Variants in LZTR1 observed in about 807,000 individuals in gnomAD.
LZTR1 encodes leucine-zipper-like transcriptional regulator 1.
Under a neutral mutation model 105.7 loss-of-function variants are expected in LZTR1, and 260 were observed. The observed-to-expected ratio is 2.46, with a 90% CI of 2.22 to 2.72. The LOEUF is 2.72. LZTR1 is among the 30% of genes most tolerant of loss of function. The pLI is 0.00. For missense variants in LZTR1, 1,214 were observed against 1,166.9 expected (o/e 1.04, Z -0.59); for synonymous variants, 490 against 476.4 (o/e 1.03, Z -0.37).
intron 18 of LZTR1, 34 bp from the exon 19 acceptor site, chr22:20,996,662 G>A: frequency 6.3e-7 from 1 of 1,593,362 alleles, no homozygotes; most frequent in Non-Finnish European, 8.6e-7. Flanking sequence ...GGGCGGACCA[G>A]CTTCCTTTAG....
In LZTR1 at chr22:20,994,213, C is replaced by T. The variant is rs1569157089; in HGVS notation, c.1559C>T (p.Pro520Leu). 1.2e-6 allele frequency: 2 copies of T among 1,601,818 alleles called. No homozygotes were observed. Among genetic ancestry groups the T allele is most frequent in the Non-Finnish European group, 1.7e-6 (2 of 1,179,336 alleles). Residue 520 changes from proline (P) to leucine (L), a missense_variant, in exon 14 of 21, where the codon CCC becomes CTC. Coordinates refer to ENST00000646124, the MANE Select transcript of LZTR1 (RefSeq NM_006767.4). Reference sequence around the variant, plus strand: ...GCCATCCGGGAGGCCGAGGCCCGGCCCTTCGAGGTGCTCATGCAGTTCCTC... The same window carrying T: ...GCCATCCGGGAGGCCGAGGCCCGGCTCTTCGAGGTGCTCATGCAGTTCCTC... ...HVAIREAEAR[P>L]FEVLMQFLYT...
rs1335357652 is a variant in LZTR1, at chr22:20,982,574, A to G, written c.200+3A>G. On this transcript the variant is annotated splice_donor_region_variant and intron_variant, in intron 1 of 20. Coordinates refer to ENST00000646124, the MANE Select transcript of LZTR1 (RefSeq NM_006767.4). ...TGCGACGAGTTCGTGGGTGCCCGGT[A>G]CGGTGGGCTTCATGGGGTCCTGAGG... The G allele has an allele frequency of 1.2e-6, 2 of 1,611,020 alleles. No individual in the cohort carries two copies. Among genetic ancestry groups the G allele is most frequent in the Non-Finnish European group, 8.5e-7 (1 of 1,178,940 alleles).
At position 20,999,007 on chromosome 22, in the gene LZTR1, A is replaced by C. The variant is rs568970384; in HGVS notation, c.*1659A>C. The C allele has an allele frequency of 6.6e-6, 1 of 152,394 alleles. No homozygotes were observed. Among genetic ancestry groups the C allele is most frequent in the East Asian group, 1.9e-4 (1 of 5,190 alleles). The allele number at this position is 152,394 out of a possible 1,614,324, so 9.4% of individuals were successfully genotyped here. A position where few individuals can be genotyped will look rare whatever the true frequency, so the allele number is the denominator to read the frequency against. Reference sequence around the variant, plus strand: ...TAGACTTATATGAATAAATGAAATTACATGCCAAGGGCCCTAAAAAGCAAA... The same window carrying C: ...TAGACTTATATGAATAAATGAAATTCCATGCCAAGGGCCCTAAAAAGCAAA... On this transcript the variant is annotated 3_prime_UTR_variant, in exon 21 of 21. Transcript: ENST00000646124.
intron 20 of LZTR1, 121 bp from the exon 21 acceptor site, chr22:20,997,111 C>A: frequency 9.0e-7 from 1 of 1,116,238 alleles, no homozygotes; most frequent in Non-Finnish European, 1.4e-6. Context: ...CTGGCCGCAC[C>A]TTGCTTCATC....
At chr22:20,993,465 G>A in intron 11 of LZTR1, 197 bp from the exon 12 acceptor site, 1 of 597,792 alleles carries the variant, frequency 1.7e-6, no homozygotes, top group Non-Finnish European at 3.0e-6. Flanking sequence ...GTGGACAGTT[G>A]CAGGTGCTGA....
In LZTR1 at chr22:20,997,296, T is replaced by A; in HGVS notation, c.2471T>A (p.Leu824Gln). Residue 824 changes from leucine to glutamine, a missense_variant, in exon 21 of 21, where the codon CTG (leucine) becomes CAG (glutamine). Coordinates refer to ENST00000646124, the MANE Select transcript of LZTR1 (RefSeq NM_006767.4). ...QQLLLDIIDS[L>Q]ASHISDKQCA... ...CTGCTGCTGGACATCATAGACTCCC[T>A]GGCCTCCCACATCTCAGACAAGCAG... The A allele has an allele frequency of 1.2e-6, 2 of 1,613,820 alleles. No individual in the cohort carries two copies. Among genetic ancestry groups the A allele is most frequent in the Non-Finnish European group, 1.7e-6 (2 of 1,180,002 alleles).
At position 20,997,281 on chromosome 22, in the gene LZTR1, A is replaced by AC. The variant is rs1569158652; in HGVS notation, c.2457dup (p.Ile820HisfsTer31). 1 of 1,613,814 alleles carries AC rather than the reference A, an allele frequency of 6.2e-7. No homozygotes were observed. Among genetic ancestry groups the AC allele is most frequent in the East Asian group, 2.2e-5 (1 of 44,864 alleles). Reference sequence around the variant, plus strand: ...TCGCTGAGCCAGCAGCTGCTGCTGGACATCATAGACTCCCTGGCCTCCCAC... The same window carrying AC: ...TCGCTGAGCCAGCAGCTGCTGCTGGACCATCATAGACTCCCTGGCCTCCCAC... On this transcript the variant is annotated frameshift_variant, in exon 21 of 21. Transcript: ENST00000646124. LOFTEE classifies it high-confidence loss of function.
At chr22:20,989,775 CAG>C (rs1351533875) in intron 7 of LZTR1, 93 bp downstream of exon 7, 15 of 1,262,482 alleles carry the variant, frequency 1.2e-5, no homozygotes, top group East Asian at 2.7e-5. Context: ...CATGGGGAGA[CAG>C]GGTGCAGGTG....
At chr22:20,986,159 G>A (rs1164860704) in intron 3 of LZTR1, 1 of 483,024 alleles carries the variant, frequency 2.1e-6, no homozygotes, top group African/African-American at 1.9e-5. Flanking sequence ...CTACCTCGAG[G>A]CTGATGCTAG....
chr22:20,992,934 C>T, intron 11 of LZTR1, 30 bp downstream of exon 11: 5 of 1,449,042 alleles, frequency 3.5e-6, no homozygotes, highest in Non-Finnish European at 4.7e-6. Context: ...GTAGAGCCGG[C>T]TGGGTGGACG....
intron 1 of LZTR1, 147 bp downstream of exon 1, chr22:20,982,718 C>T: frequency 1.2e-6 from 1 of 807,392 alleles, no homozygotes; most frequent in Non-Finnish European, 2.0e-6. Flanking sequence ...CTGTTCAGGG[C>T]AGGGGAGAGG....
intron 16 of LZTR1, chr22:20,995,325 C>CG (rs749346419): frequency 1.6e-6 from 1 of 643,150 alleles, no homozygotes; most frequent in South Asian, 1.5e-5. Flanking sequence ...CCCAGGGTCA[C>CG]GGTGATCAGT....
intron 10 of LZTR1, 134 bp downstream of exon 10, chr22:20,992,503 C>T: frequency 6.6e-6 from 7 of 1,063,686 alleles, no homozygotes; most frequent in Non-Finnish European, 9.3e-6. Context: ...GGGTACAGGG[C>T]CAAGGGCCCT....
intron 11 of LZTR1, chr22:20,993,214 G>A (rs1434518092): frequency 6.8e-6 from 3 of 441,304 alleles, no homozygotes; most frequent in African/African-American, 6.0e-5. Flanking sequence ...CAGAGCCAGG[G>A]CCGACAGTGG....
Position 20,990,378 on chromosome 22 carries a change from C to T in LZTR1, c.652-8C>T, listed in dbSNP as rs879084620. 3.1e-6 allele frequency: 5 copies of T among 1,613,904 alleles called. No individual in the cohort carries two copies. The South Asian group carries it at 3.3e-5, about 11-fold the overall frequency. On this transcript the variant is annotated splice_region_variant and splice_polypyrimidine_tract_variant and intron_variant, in intron 7 of 20. Coordinates refer to ENST00000646124, the MANE Select transcript of LZTR1 (RefSeq NM_006767.4). Reference sequence around the variant, plus strand: ...AGGCCGGGGCTGAGCTGTCCTCTCCCCCTGCAGGTGGCCCAGAGTGGCGAG... The same window carrying T: ...AGGCCGGGGCTGAGCTGTCCTCTCCTCCTGCAGGTGGCCCAGAGTGGCGAG...
chr22:20,990,324 AGTGTG>A (rs1924556768), intron 7 of LZTR1, 57 bp from the exon 8 acceptor site: 2 of 1,589,476 alleles, frequency 1.3e-6, no homozygotes, highest in Admixed American at 3.4e-5. Flanking sequence ...AGCAGTCTCG[AGTGTG>A]GTGAAATGTG....
Position 20,997,315 on chromosome 22 carries a change from C to T in LZTR1, c.2490C>T (p.Asp830=), listed in dbSNP as rs778388713. 3 of 1,613,652 alleles carry T rather than the reference C, an allele frequency of 1.9e-6. No individual in the cohort carries two copies. In the East Asian group the frequency reaches 6.7e-5, roughly 36 times the overall value. The change falls in exon 21 of 21, where the codon GAC becomes GAT. Residue 830 remains aspartate (D), a synonymous_variant. Coordinates refer to ENST00000646124, the MANE Select transcript of LZTR1 (RefSeq NM_006767.4). ...IIDSLASHIS[D]KQCAELGADI is the part of the protein sequence containing the mutation. The stretch of plus-strand genomic sequence containing the variant: ...ACTCCCTGGCCTCCCACATCTCAGA[C>T]AAGCAGTGCGCAGAGCTGGGCGCCG...
intron 8 of LZTR1, 107 bp from the exon 9 acceptor site, chr22:20,991,521 C>T (rs904800388): frequency 1.4e-5 from 12 of 882,890 alleles, no homozygotes; most frequent in Admixed American, 6.8e-5. Flanking sequence ...GGGCTAGTCA[C>T]CGTAAGGGAT....
At position 20,990,370 on chromosome 22, in the gene LZTR1, T is replaced by C. The variant is rs921491089; in HGVS notation, c.652-16T>C. 4 of 1,613,804 alleles carry C rather than the reference T, an allele frequency of 2.5e-6. No homozygotes were observed. In the Admixed American group the frequency reaches 6.7e-5, roughly 27 times the overall value. ...GCCCTGTGAGGCCGGGGCTGAGCTG[T>C]CCTCTCCCCCTGCAGGTGGCCCAGA... On this transcript the variant is annotated splice_polypyrimidine_tract_variant and intron_variant, in intron 7 of 20. Coordinates refer to ENST00000646124, the MANE Select transcript of LZTR1 (RefSeq NM_006767.4).
Sources: allele counts gnomAD v4.1 joint callset, GRCh38; gene constraint gnomAD v4.1.1; transcripts MANE v1.5; gene names NCBI Gene and HGNC (gene_info 2026-07-23, HGNC 2026-07-21).